The following GALM variants were observed in gnomAD, a reference collection of about 807,000 sequenced individuals.
GALM encodes aldose 1-epimerase.
Under a neutral mutation model 37.4 loss-of-function variants are expected in GALM, and 43 were observed. The ratio of observed to expected loss-of-function variants is 1.15; its 90% CI spans 0.90 to 1.48. The LOEUF (loss-of-function observed/expected upper bound fraction) is 1.48, where lower values mean the gene tolerates loss of function less well. Among genes scored for constraint, GALM ranks in the 40% most tolerant of loss-of-function variants. GALM has a pLI of 0.00. For missense variants in GALM, 456 were observed against 419.1 expected (o/e 1.09, Z -0.77); for synonymous variants, 199 against 170.6 (o/e 1.17, Z -1.30).
intron 4 of GALM, among the ~76,000 whole-genome samples, chr2:38,717,591 G>C (rs1355800638): frequency 1.3e-5 from 2 of 151,968 alleles, no homozygotes; most frequent in Non-Finnish European, 2.9e-5. Context: ...GCAGAAACAG[G>C]GTTTTGCCGT....
intron 4 of GALM, among the ~76,000 whole-genome samples, chr2:38,725,243 C>A (rs1298985793): frequency 6.6e-6 from 1 of 152,120 alleles, no homozygotes; most frequent in African/African-American, 2.4e-5. Context: ...CTAATTGTTT[C>A]ATGAAGAATT....
chr2:38,729,484 C>G (rs1396001808), intron 4 of GALM, 72 bp from the exon 5 acceptor site: 2 of 1,383,868 alleles, frequency 1.4e-6, no homozygotes, highest in African/African-American at 1.4e-5. Flanking sequence ...AACCAGTGAG[C>G]CTTTGTGGAG....
At chr2:38,712,379 G>A (rs1031599273) in intron 4 of GALM, among the ~76,000 whole-genome samples, 1 of 152,152 alleles carries the variant, frequency 6.6e-6, no homozygotes, top group African/African-American at 2.4e-5. Flanking sequence ...CCTAGAGAGT[G>A]GTCAGGCATG....
chr2:38,730,135 C>T (rs888814387), intron 5 of GALM, among the ~76,000 whole-genome samples: 1 of 152,242 alleles, frequency 6.6e-6, no homozygotes, highest in African/African-American at 2.4e-5. Flanking sequence ...CTTGTGTGCA[C>T]GCTCTCGCCT....
At chr2:38,695,121 C>T (rs1420454271) in intron 4 of GALM, among the ~76,000 whole-genome samples, 3 of 151,646 alleles carry the variant, frequency 2.0e-5, no homozygotes, top group Non-Finnish European at 2.9e-5. Flanking sequence ...AAATCACCTT[C>T]GGTAGAAAAT....
intron 4 of GALM, among the ~76,000 whole-genome samples, chr2:38,720,259 G>C (rs1666350769): frequency 6.6e-6 from 1 of 151,962 alleles, no homozygotes; most frequent in Non-Finnish European, 1.5e-5. Context: ...TCTTCCACCA[G>C]ATTCTAGGCT....
At chr2:38,725,517 C>T (rs1666467736) in intron 4 of GALM, among the ~76,000 whole-genome samples, 1 of 150,968 alleles carries the variant, frequency 6.6e-6, no homozygotes, top group Admixed American at 6.6e-5. Flanking sequence ...GCCTGGGTAA[C>T]AGAACGAGAC....
At chr2:38,667,938 C>T (rs1186382629) in intron 1 of GALM, among the ~76,000 whole-genome samples, 1 of 152,204 alleles carries the variant, frequency 6.6e-6, no homozygotes, top group African/African-American at 2.4e-5. Context: ...CTGCCCCATA[C>T]CCGGAGGAAG....
intron 2 of GALM, among the ~76,000 whole-genome samples, chr2:38,676,336 G>C (rs1665260234): frequency 6.6e-6 from 1 of 152,160 alleles, no homozygotes; most frequent in Non-Finnish European, 1.5e-5. Flanking sequence ...ACAGTGTTGA[G>C]ATCAGGGAGT....
At chr2:38,721,615 G>C (rs992119579) in intron 4 of GALM, among the ~76,000 whole-genome samples, 2 of 152,166 alleles carry the variant, frequency 1.3e-5, no homozygotes, top group Non-Finnish European at 2.9e-5. Context: ...CCAGGCTCAA[G>C]TGATCTTCCC....
chr2:38,723,989 A>G (rs575088302), intron 4 of GALM, among the ~76,000 whole-genome samples: 2 of 152,124 alleles, frequency 1.3e-5, no homozygotes, highest in South Asian at 4.1e-4. Flanking sequence ...GCACAATCTC[A>G]GCTCACTGCA....
In GALM at chr2:38,677,374, C is replaced by T. The variant is rs185626678; in HGVS notation, c.345+1308C>T. Among the ~76,000 whole-genome samples the T allele has an allele frequency of 8.5e-5, 13 of 152,282 alleles. No individual in the cohort carries two copies. The East Asian group carries it at 1.4e-3, about 16-fold the overall frequency. On this transcript the variant is annotated intron_variant, in intron 2 of 6. Transcript: ENST00000272252. ...CTTGTCCTGCAGAAGGAGGCTTCCC[C>T]GCCTCCATGAGCTTCCTGCTGGTGG...
chr2:38,676,544 C>T (rs1033065273), intron 2 of GALM, among the ~76,000 whole-genome samples: 1 of 152,190 alleles, frequency 6.6e-6, no homozygotes, highest in Non-Finnish European at 1.5e-5. Context: ...GGGCAGGTCA[C>T]CTGAGGTCAG....
rs185616421 is a variant in GALM, at chr2:38,699,058, C to T, written c.634+9164C>T. Among the ~76,000 whole-genome samples, 608 of 152,204 alleles carry T rather than the reference C, an allele frequency of 4.0e-3. 1 individual carries two copies. The highest frequency in any genetic ancestry group is 0.014 in the African/African-American group (565 of 41,528). ...CCTCCCGAGTAGCTGGGATTACAAA[C>T]GCCCACCACCATGCCCAGCTAATTT... On this transcript the variant is annotated intron_variant, in intron 4 of 6. Coordinates refer to ENST00000272252, the MANE Select transcript of GALM (RefSeq NM_138801.3).
intron 2 of GALM, 144 bp downstream of exon 2, chr2:38,676,210 C>T: frequency 1.3e-6 from 1 of 745,234 alleles, no homozygotes; most frequent in South Asian, 1.7e-5. Flanking sequence ...GCAGCAGGTG[C>T]AATGGGCATG....
At chr2:38,683,215 T>C (rs1364382513) in intron 3 of GALM, among the ~76,000 whole-genome samples, 1 of 152,186 alleles carries the variant, frequency 6.6e-6, no homozygotes, top group African/African-American at 2.4e-5. Flanking sequence ...TTAGGTTTAC[T>C]AAGGCTTTTT....
chr2:38,717,306 AGTGTGTGTGTGTGT>A (rs56902027), intron 4 of GALM, among the ~76,000 whole-genome samples: 210 of 143,750 alleles, frequency 1.5e-3, no homozygotes, highest in Middle Eastern at 0.014. Context: ...GTATTAAGGG[AGTGTGTGTGTGTGT>A]GTGTGTGTGT....
At chr2:38,718,196 C>CTTTTT (rs3059479) in intron 4 of GALM, among the ~76,000 whole-genome samples, 20 of 131,270 alleles carry the variant, frequency 1.5e-4, no homozygotes, top group Middle Eastern at 4.3e-3. Context: ...TTTTTCTTTT[C>CTTTTT]TTTTTTTTTT....
intron 4 of GALM, among the ~76,000 whole-genome samples, chr2:38,711,614 G>C (rs1666162051): frequency 6.6e-6 from 1 of 151,470 alleles, no homozygotes; most frequent in East Asian, 2.0e-4. Flanking sequence ...AGTATAGCAA[G>C]GTGGTTAAGA....
Sources: allele counts gnomAD v4.1 joint callset (sites outside exome capture counted in the v4.1 genomes callset), GRCh38; gene constraint gnomAD v4.1.1; transcripts MANE v1.5; gene names NCBI Gene and HGNC (gene_info 2026-07-23, HGNC 2026-07-21).